Variants in CEACAM18 observed in about 807,000 individuals in gnomAD.
CEACAM18 encodes cell adhesion molecule CEACAM18.
A neutral mutation model predicts 34.3 loss-of-function variants in CEACAM18; 33 were observed. The observed-to-expected ratio is 0.96, with a 90% CI of 0.73 to 1.29. The LOEUF (loss-of-function observed/expected upper bound fraction) is 1.29. CEACAM18 is among the 50% of genes most tolerant of loss of function. The pLI is 0.00. For synonymous variants in CEACAM18, 169 were observed against 180.9 expected (o/e 0.93, Z 0.53); for missense variants, 474 against 485.0 (o/e 0.98, Z 0.21).
chr19:51,481,543 C>T (rs748476813), exon 3 of CEACAM18: 1 of 1,613,970 alleles, frequency 6.2e-7, no homozygotes. Flanking sequence ...ATGACAATTT[C>T]CCCAGACGGC....
At chr19:51,487,832 T>C (rs933087754) in intron 5 of CEACAM18, among the ~76,000 whole-genome samples, 4 of 152,178 alleles carry the variant, frequency 2.6e-5, no homozygotes, top group Non-Finnish European at 4.4e-5. Flanking sequence ...TAACATGAAT[T>C]AACCAATATG....
intron 3 of CEACAM18, 67 bp from the exon 4 acceptor site, chr19:51,482,950 G>A: frequency 4.5e-6 from 7 of 1,571,164 alleles, no homozygotes; most frequent in South Asian, 1.2e-5. Flanking sequence ...GGCTGGGGGA[G>A]GACTTCATGA....
chr19:51,482,927 T>TG, intron 3 of CEACAM18, 90 bp from the exon 4 acceptor site: 1 of 1,512,880 alleles, frequency 6.6e-7, no homozygotes, highest in Admixed American at 1.7e-5. Flanking sequence ...AGGTGCACAA[T>TG]GGGGAACCTC....
intron 2 of CEACAM18, among the ~76,000 whole-genome samples, chr19:51,481,070 TCTCA>T (rs1454658539): frequency 1.3e-5 from 2 of 152,144 alleles, no homozygotes; most frequent in African/African-American, 4.8e-5. Context: ...AAATGCCACC[TCTCA>T]CTCAGAACCT....
Position 51,483,067 on chromosome 19 carries a change from AT to A in CEACAM18, c.726del (p.Ile242MetfsTer2), listed in dbSNP as rs760646647. On this transcript the variant is annotated frameshift_variant, in exon 4 of 6. Transcript: ENST00000396477. LOFTEE classifies it high-confidence loss of function. ...GAGCAATCCTGATGATTTCAACGGC[AT>A]TGTGACAGCTGAGATCGGCTCCCAA... 1.9e-6 allele frequency: 3 copies of A among 1,614,018 alleles called. No homozygotes were observed. In the Admixed American group the frequency reaches 5.0e-5, roughly 27 times the overall value.
At chr19:51,478,683 T>C (rs1242829924) in exon 1 of CEACAM18, 31 of 1,461,132 alleles carry the variant, frequency 2.1e-5, no homozygotes, top group Non-Finnish European at 2.7e-5. Flanking sequence ...TGGAGGAGGG[T>C]CTTCCTCATG....
At chr19:51,488,930 G>A (rs1990045415) in intron 5 of CEACAM18, among the ~76,000 whole-genome samples, 1 of 151,832 alleles carries the variant, frequency 6.6e-6, no homozygotes, top group African/African-American at 2.4e-5. Context: ...TAAAATATAG[G>A]GTGGGTTGTA....
chr19:51,482,691 T>C (rs1284865734), intron 3 of CEACAM18, among the ~76,000 whole-genome samples: 1 of 152,230 alleles, frequency 6.6e-6, no homozygotes, highest in Non-Finnish European at 1.5e-5. Flanking sequence ...ACCAGTCACA[T>C]GGGTTGTTCT....
intron 5 of CEACAM18, among the ~76,000 whole-genome samples, chr19:51,487,422 C>T (rs1401672846): frequency 2.6e-5 from 4 of 151,954 alleles, no homozygotes; most frequent in East Asian, 1.9e-4. Context: ...CTCAGTGAGC[C>T]GAGATCGTGC....
chr19:51,480,638 G>A (rs747543285), exon 2 of CEACAM18: 5 of 1,613,898 alleles, frequency 3.1e-6, no homozygotes, highest in Admixed American at 1.7e-5. Context: ...GGTGGTTGCA[G>A]GCAATGAGAC....
intron 5 of CEACAM18, among the ~76,000 whole-genome samples, chr19:51,487,296 G>A (rs1336587448): frequency 1.3e-5 from 2 of 151,994 alleles, no homozygotes; most frequent in Non-Finnish European, 2.9e-5. Flanking sequence ...GCAACGTGGT[G>A]AAACCTCATC....
chr19:51,480,801 C>A, intron 2 of CEACAM18, 121 bp downstream of exon 2: 1 of 895,398 alleles, frequency 1.1e-6, no homozygotes, highest in Non-Finnish European at 1.7e-6. Context: ...GCCCTGGAAT[C>A]TTGTGTACCA....
At chr19:51,480,383 A>G in exon 2 of CEACAM18, 1 of 1,612,678 alleles carries the variant, frequency 6.2e-7, no homozygotes. Flanking sequence ...AATCTTCATC[A>G]CCCAAACCCT....
At chr19:51,489,327 G>T (rs1869240698) in intron 5 of CEACAM18, among the ~76,000 whole-genome samples, 1 of 150,908 alleles carries the variant, frequency 6.6e-6, no homozygotes, top group Non-Finnish European at 1.5e-5. Context: ...TGCTTTCCCT[G>T]CCCCCAGTAA....
intron 3 of CEACAM18, among the ~76,000 whole-genome samples, 162 bp downstream of exon 3, chr19:51,481,827 T>C (rs972725097): frequency 2.0e-5 from 3 of 152,164 alleles, no homozygotes; most frequent in African/African-American, 7.2e-5. Flanking sequence ...TTGAGCCCTG[T>C]GAACTTGGGA....
chr19:51,483,202 G>A, exon 4 of CEACAM18: 5 of 1,613,994 alleles, frequency 3.1e-6, no homozygotes, highest in African/African-American at 2.7e-5. Context: ...CTCGAGTCTT[G>A]CCTGGGAGCA....
In CEACAM18 at chr19:51,481,578, A is replaced by G. The variant is rs753504045; in HGVS notation, c.586A>G (p.Ser196Gly). ...CAAGACCCTCGTCATCCTCAGGGTC[A>G]GCCGCTATGACAGAACAATTCAGTG... is the stretch of plus-strand genomic sequence containing the variant. The change falls in exon 3 of 6, where the codon AGC becomes GGC. Residue 196 changes from serine (S) to glycine (G), a missense_variant. Transcript: ENST00000396477. The G allele has an allele frequency of 1.9e-6, 3 of 1,613,924 alleles. No homozygotes were observed. The Admixed American group carries it at 5.0e-5, about 27-fold the overall frequency.
At chr19:51,486,034 T>C (rs1989994252) in intron 5 of CEACAM18, among the ~76,000 whole-genome samples, 1 of 151,956 alleles carries the variant, frequency 6.6e-6, no homozygotes, top group Admixed American at 6.6e-5. Context: ...GTACCAATGG[T>C]GATGGTGGTG....
At chr19:51,480,293 T>C in intron 1 of CEACAM18, 40 bp from the exon 2 acceptor site, 1 of 1,470,094 alleles carries the variant, frequency 6.8e-7, no homozygotes, top group Non-Finnish European at 9.3e-7. Context: ...CTGAATCTCT[T>C]TGTGAATTTC....
Sources: gnomAD v4.1 joint callset for allele counts (sites outside exome capture counted in the v4.1 genomes callset) on GRCh38, gnomAD v4.1.1 for gene constraint, MANE v1.5 for transcripts, NCBI Gene and HGNC (gene_info 2026-07-23, HGNC 2026-07-21) for gene names.